Variants in NUDT9 observed in about 807,000 individuals in gnomAD.
NUDT9 encodes ADP-ribose pyrophosphatase.
In NUDT9, 31 loss-of-function variants were observed where a neutral mutation model predicts 41.0. That is an observed-to-expected ratio of 0.76 (90% CI 0.57 to 1.02). The LOEUF is 1.02. Among genes scored for constraint, NUDT9 ranks in the 50% least tolerant of loss-of-function variants. The pLI is 0.00. For synonymous variants in NUDT9, 146 were observed against 147.6 expected, an observed-to-expected ratio of 0.99 and a Z score of 0.08; for missense variants, 380 against 431.4, an observed-to-expected ratio of 0.88 and a Z score of 1.06.
intron 3 of NUDT9, among the ~76,000 whole-genome samples, chr4:87,439,938 G>A (rs993289425): frequency 5.9e-5 from 9 of 152,154 alleles, no homozygotes; most frequent in African/African-American, 1.4e-4. Context: ...GTTACACTTT[G>A]TATTCTTGGT....
At chr4:87,443,273 G>T (rs1390850446) in intron 4 of NUDT9, among the ~76,000 whole-genome samples, 1 of 152,108 alleles carries the variant, frequency 6.6e-6, no homozygotes, top group Admixed American at 6.6e-5. Context: ...GCCTGCACAT[G>T]TATATTACAT....
rs75969034 is a variant in NUDT9, at chr4:87,431,333, G to T, written c.108-3648G>T. 7.8e-3 allele frequency among the ~76,000 whole-genome samples: 1,180 copies of T among 152,210 alleles called. 16 individuals are homozygous for T. Among genetic ancestry groups the T allele is most frequent in the African/African-American group, 0.027 (1,139 of 41,530 alleles). On this transcript the variant is annotated intron_variant, in intron 1 of 7. Coordinates refer to ENST00000302174, the MANE Select transcript of NUDT9 (RefSeq NM_024047.5). ...GTATCTCAGTGTTGTGATTACTATA[G>T]CTGTGTAGTAAGTGTGAGACCTTGA...
At chr4:87,452,993 G>A (rs141374363) in intron 6 of NUDT9, among the ~76,000 whole-genome samples, 1,781 of 151,606 alleles carry the variant, frequency 0.012, 32 homozygotes, top group African/African-American at 0.041. Context: ...TGTATTTTTA[G>A]TAGTGACGGG....
chr4:87,425,063 AAG>A (rs1298522762), intron 1 of NUDT9, among the ~76,000 whole-genome samples: 3 of 152,168 alleles, frequency 2.0e-5, no homozygotes, highest in Non-Finnish European at 4.4e-5. Flanking sequence ...AAAACAAAAA[AAG>A]AATTTTATGG....
chr4:87,434,857 G>T (rs563244442), intron 1 of NUDT9, 124 bp from the exon 2 acceptor site: 10 of 758,116 alleles, frequency 1.3e-5, no homozygotes, highest in African/African-American at 1.8e-5. Context: ...AACCTCAGGT[G>T]ATCCACCTAC....
chr4:87,426,800 C>T (rs1204120681), intron 1 of NUDT9, among the ~76,000 whole-genome samples: 1 of 151,576 alleles, frequency 6.6e-6, no homozygotes, highest in African/African-American at 2.4e-5. Context: ...CTTTGGAAGT[C>T]CGAGGCAGGA....
At chr4:87,436,181 G>C (rs1370257806) in intron 2 of NUDT9, among the ~76,000 whole-genome samples, 10 of 152,080 alleles carry the variant, frequency 6.6e-5, no homozygotes. Flanking sequence ...TTTTTAAGTA[G>C]AGATGGGGTC....
At chr4:87,430,386 A>C (rs1194842050) in intron 1 of NUDT9, among the ~76,000 whole-genome samples, 1 of 152,228 alleles carries the variant, frequency 6.6e-6, no homozygotes, top group East Asian at 1.9e-4. Flanking sequence ...ATTTGTGGTG[A>C]TTTGTTGTGG....
chr4:87,456,612 C>A (rs534100171), intron 7 of NUDT9, among the ~76,000 whole-genome samples: 1 of 152,154 alleles, frequency 6.6e-6, no homozygotes, highest in African/African-American at 2.4e-5. Context: ...TTTTATCTTT[C>A]AAGCTAGTCC....
intron 2 of NUDT9, among the ~76,000 whole-genome samples, chr4:87,438,057 T>C (rs1722033234): frequency 6.6e-6 from 1 of 151,862 alleles, no homozygotes; most frequent in South Asian, 2.1e-4. Context: ...AATAATAATA[T>C]ATATCTTTGT....
intron 7 of NUDT9, among the ~76,000 whole-genome samples, chr4:87,455,977 A>G (rs1052510729): frequency 6.6e-6 from 1 of 152,006 alleles, no homozygotes; most frequent in African/African-American, 2.4e-5. Context: ...GCTTTTTTGA[A>G]AATTGACCAT....
intron 2 of NUDT9, among the ~76,000 whole-genome samples, chr4:87,436,017 GCTCT>G (rs35132503): frequency 6.6e-6 from 1 of 151,364 alleles, no homozygotes; most frequent in East Asian, 1.9e-4. Flanking sequence ...TGAGACTGGT[GCTCT>G]CTCTCTCTGT....
chr4:87,452,812 T>C (rs1722814581), intron 6 of NUDT9, among the ~76,000 whole-genome samples: 2 of 116,068 alleles, frequency 1.7e-5, no homozygotes. Context: ...TAACAGAGTT[T>C]TTTTTTTTTT....
At chr4:87,448,637 C>T (rs1257046998) in intron 4 of NUDT9, among the ~76,000 whole-genome samples, 1 of 152,040 alleles carries the variant, frequency 6.6e-6, no homozygotes, top group Non-Finnish European at 1.5e-5. Context: ...CATGCCACTG[C>T]ACCCAGCTAA....
chr4:87,450,065 G>A (rs1258490276), intron 5 of NUDT9, among the ~76,000 whole-genome samples: 5 of 152,012 alleles, frequency 3.3e-5, no homozygotes, highest in South Asian at 2.1e-4. Flanking sequence ...GTTTCACTGC[G>A]TTGGCCAGGC....
Position 87,434,999 on chromosome 4 carries a change from T to A in NUDT9, c.126T>A (p.Ser42=). The A allele has an allele frequency of 6.2e-7, 1 of 1,610,202 alleles. No individual in the cohort carries two copies. Among genetic ancestry groups the A allele is most frequent in the Non-Finnish European group, 8.5e-7 (1 of 1,178,738 alleles). ...IQAFRNSFSS[S]WFHLNTNVMS... Reference sequence around the variant, plus strand: ...CCCCCAGAAACTCGTTTTCATCTTCTTGGTTTCATCTTAATACCAACGTCA... The same window carrying A: ...CCCCCAGAAACTCGTTTTCATCTTCATGGTTTCATCTTAATACCAACGTCA... Residue 42 remains serine (S), a synonymous_variant, in exon 2 of 8, where the codon TCT becomes TCA. Coordinates refer to ENST00000302174, the MANE Select transcript of NUDT9 (RefSeq NM_024047.5).
chr4:87,427,342 T>A (rs2110158561), intron 1 of NUDT9, among the ~76,000 whole-genome samples: 1 of 152,330 alleles, frequency 6.6e-6, no homozygotes, highest in African/African-American at 2.4e-5. Flanking sequence ...TTTTGCCATG[T>A]AAATGGACTT....
chr4:87,431,902 T>A (rs1171258260), intron 1 of NUDT9, among the ~76,000 whole-genome samples: 1 of 152,210 alleles, frequency 6.6e-6, no homozygotes, highest in African/African-American at 2.4e-5. Context: ...GCCGGGCTGG[T>A]CTTGAACTGC....
intron 1 of NUDT9, among the ~76,000 whole-genome samples, chr4:87,426,442 C>T (rs1721424527): frequency 6.6e-6 from 1 of 151,488 alleles, no homozygotes; most frequent in Non-Finnish European, 1.5e-5. Flanking sequence ...CAGAGTCTCG[C>T]ACTGTCGCCC....
Sources: gnomAD v4.1 joint callset for allele counts (sites outside exome capture counted in the v4.1 genomes callset) on GRCh38, gnomAD v4.1.1 for gene constraint, MANE v1.5 for transcripts, NCBI Gene and HGNC (gene_info 2026-07-23, HGNC 2026-07-21) for gene names.